Variants in SLC16A2 observed in about 807,000 individuals in gnomAD.
The protein encoded by SLC16A2 is monocarboxylate transporter 8.
In SLC16A2, 3 loss-of-function variants were observed where a neutral mutation model predicts 27.2. That is an observed-to-expected ratio of 0.11 (90% CI 0.05 to 0.28). SLC16A2 has a LOEUF of 0.28. Among genes scored for constraint, SLC16A2 ranks in the 10% least tolerant of loss-of-function variants. SLC16A2 has a pLI of 1.00. For synonymous variants in SLC16A2, 202 were observed against 187.8 expected (o/e 1.08, Z -0.62); for missense variants, 295 against 458.5 (o/e 0.64, Z 3.26).
At chrX:74,439,309 C>G (rs1928695983) in intron 1 of SLC16A2, among the ~76,000 whole-genome samples, 1 of 93,103 alleles carries the variant, frequency 1.1e-5, no homozygotes, top group Non-Finnish European at 2.1e-5. Context: ...TCCTTTCTTC[C>G]TTTCTTTCTT....
In SLC16A2 at chrX:74,465,887, T is replaced by G. The variant is rs1048915107; in HGVS notation, c.430+43820T>G. On this transcript the variant is annotated intron_variant, in intron 1 of 5. Transcript: ENST00000587091. ...TGCTTACAAACATCAGAACTTCCCC[T>G]CCGTGACCCTCCCAGCCCCCAGGGA... Among the ~76,000 whole-genome samples the G allele has an allele frequency of 5.4e-5, 6 of 110,948 alleles. No homozygotes were observed. The Admixed American group carries it at 5.8e-4, about 11-fold the overall frequency.
intron 1 of SLC16A2, among the ~76,000 whole-genome samples, chrX:74,472,420 T>C (rs986424509): frequency 9.0e-6 from 1 of 111,709 alleles, no homozygotes; most frequent in Non-Finnish European, 1.9e-5. Flanking sequence ...TATGTGAATA[T>C]CTAGTTGACT....
At chrX:74,493,860 G>A (rs779501542) in intron 1 of SLC16A2, among the ~76,000 whole-genome samples, 6 of 111,564 alleles carry the variant, frequency 5.4e-5, no homozygotes, top group African/African-American at 1.6e-4. Context: ...GGAAAGTGGG[G>A]GTTGTGAGGA....
chrX:74,428,610 A>G (rs144157933), intron 1 of SLC16A2, among the ~76,000 whole-genome samples: 55 of 111,168 alleles, frequency 4.9e-4, no homozygotes, highest in Non-Finnish European at 9.2e-4. Flanking sequence ...CACATCCTAC[A>G]GAGGCCTCCC....
intron 1 of SLC16A2, among the ~76,000 whole-genome samples, chrX:74,434,856 C>T (rs61033714): frequency 0.29 from 28,853 of 99,444 alleles, 4,106 homozygotes; most frequent in African/African-American, 0.46. Flanking sequence ...TGCTCTGTCG[C>T]CCAGGCTGGA....
intron 1 of SLC16A2, among the ~76,000 whole-genome samples, chrX:74,428,058 C>G (rs772917447): frequency 1.8e-5 from 2 of 111,006 alleles, no homozygotes; most frequent in African/African-American, 6.6e-5. Flanking sequence ...TTGCAACTCC[C>G]CAGCAGTGGG....
intron 1 of SLC16A2, among the ~76,000 whole-genome samples, chrX:74,513,307 C>T (rs1930264016): frequency 8.9e-6 from 1 of 111,808 alleles, no homozygotes; most frequent in African/African-American, 3.3e-5. Flanking sequence ...ACCCAACTCT[C>T]CCACGAATCT....
At chrX:74,470,708 A>G (rs1929339213) in intron 1 of SLC16A2, among the ~76,000 whole-genome samples, 1 of 111,595 alleles carries the variant, frequency 9.0e-6, no homozygotes, top group Admixed American at 9.6e-5. Context: ...GCACTTTGGG[A>G]GGCCGAGGCG....
chrX:74,458,967 A>T (rs1929081931), intron 1 of SLC16A2, among the ~76,000 whole-genome samples: 1 of 109,207 alleles, frequency 9.2e-6, no homozygotes, highest in African/African-American at 3.3e-5. Context: ...TTTGCTTGTT[A>T]AATCTCCTGG....
intron 1 of SLC16A2, among the ~76,000 whole-genome samples, chrX:74,453,516 C>T (rs1435304461): frequency 9.0e-6 from 1 of 111,600 alleles, no homozygotes; most frequent in African/African-American, 3.3e-5. Flanking sequence ...GTAGCTCTCT[C>T]TCAGAAGGTC....
intron 1 of SLC16A2, among the ~76,000 whole-genome samples, chrX:74,441,053 C>T (rs757498101): frequency 4.7e-4 from 44 of 94,384 alleles, no homozygotes; most frequent in African/African-American, 1.4e-3. Context: ...CTGCAAGCTC[C>T]GCCTCCTGGA....
chrX:74,507,253 G>A (rs1406826032), intron 1 of SLC16A2, among the ~76,000 whole-genome samples: 1 of 111,126 alleles, frequency 9.0e-6, no homozygotes, highest in Non-Finnish European at 1.9e-5. Flanking sequence ...ACCGCGCCCA[G>A]CCTCATCTGT....
At chrX:74,482,875 T>C (rs973624840) in intron 1 of SLC16A2, among the ~76,000 whole-genome samples, 1 of 110,738 alleles carries the variant, frequency 9.0e-6, no homozygotes, top group Non-Finnish European at 1.9e-5. Context: ...TTTCAGCTAA[T>C]TTTGTTTATT....
chrX:74,421,901 C>G lies in SLC16A2; in HGVS notation c.264C>G (p.Thr88=), dbSNP rs1283259041. Residue 88 remains threonine (T), a synonymous_variant, in exon 1 of 6, where the codon ACC becomes ACG. Transcript: ENST00000587091. ...CGCCTACGGTAGAGACCCGCGGCAC[C>G]GCGCGCGGCTTCCAGCCTCCCGAAG... The part of the protein sequence containing the change: ...EPTPTVETRG[T]ARGFQPPEGG... 8.3e-7 allele frequency: 1 copy of G among 1,210,674 alleles called. No individual in the cohort carries two copies. The highest frequency in any genetic ancestry group is 2.2e-5 in the Admixed American group (1 of 46,108).
At chrX:74,518,686 G>T (rs1930356854) in intron 1 of SLC16A2, among the ~76,000 whole-genome samples, 1 of 112,032 alleles carries the variant, frequency 8.9e-6, no homozygotes, top group Non-Finnish European at 1.9e-5. Context: ...TATTAGTGAT[G>T]TTGAGCATCT....
In SLC16A2 at chrX:74,422,634, C is replaced by T. The variant is rs910337485; in HGVS notation, c.430+567C>T. Among the ~76,000 whole-genome samples, 4 of 111,500 alleles carry T rather than the reference C, an allele frequency of 3.6e-5. No homozygotes were observed. In the East Asian group the frequency reaches 1.1e-3, roughly 32 times the overall value. On this transcript the variant is annotated intron_variant, in intron 1 of 5. Transcript: ENST00000587091. ...AACACATGGCAGGCGTGCGTGTCTG[C>T]AAGAGAGAAAGGGAGGGAGGGAGTT... is the stretch of plus-strand genomic sequence containing the variant.
At chrX:74,496,643 A>G (rs1205693133) in intron 1 of SLC16A2, among the ~76,000 whole-genome samples, 1 of 112,440 alleles carries the variant, frequency 8.9e-6, no homozygotes, top group African/African-American at 3.2e-5. Context: ...GTGAAGATCA[A>G]TTAGACCCTC....
intron 1 of SLC16A2, among the ~76,000 whole-genome samples, chrX:74,511,038 T>C (rs1211968839): frequency 1.8e-5 from 2 of 110,731 alleles, no homozygotes; most frequent in Non-Finnish European, 3.8e-5. Context: ...GCCACTGCAC[T>C]CCAGCCTGGG....
intron 1 of SLC16A2, among the ~76,000 whole-genome samples, chrX:74,444,851 C>T (rs754372966): frequency 9.8e-5 from 11 of 112,094 alleles, no homozygotes; most frequent in Non-Finnish European, 1.9e-4. Flanking sequence ...TCCACCTCCA[C>T]TGTTTGCTGT....
Sources: allele counts gnomAD v4.1 joint callset (sites outside exome capture counted in the v4.1 genomes callset), GRCh38; gene constraint gnomAD v4.1.1; transcripts MANE v1.5; gene names NCBI Gene and HGNC (gene_info 2026-07-23, HGNC 2026-07-21).